The following LRRIQ1 variants were observed in gnomAD, a reference collection of about 807,000 sequenced individuals.
LRRIQ1 encodes the protein leucine rich repeats and IQ motif containing 1.
In LRRIQ1, 210 loss-of-function variants were observed where a neutral mutation model predicts 211.9. The observed-to-expected ratio is 0.99, with a 90% CI of 0.89 to 1.11. The LOEUF (loss-of-function observed/expected upper bound fraction) is 1.11, where lower values mean the gene tolerates loss of function less well. LRRIQ1 is among the 50% of genes most tolerant of loss of function. LRRIQ1 has a pLI of 0.00. For missense variants in LRRIQ1, 2,136 were observed against 1,939.5 expected (o/e 1.10, Z -1.90); for synonymous variants, 699 against 650.1 (o/e 1.08, Z -1.14).
intron 15 of LRRIQ1, among the ~76,000 whole-genome samples, chr12:85,110,055 C>T (rs1200595405): frequency 6.6e-6 from 1 of 151,984 alleles, no homozygotes; most frequent in Non-Finnish European, 1.5e-5. Flanking sequence ...GTATAATACG[C>T]ATAATTTATT....
rs751159352 is a variant in LRRIQ1 at position 85,056,309 on chromosome 12, A to G, written c.1516A>G (p.Thr506Ala). ...LVKQERKYEN[T>A]DNKTELGNSD... ...CAAGCAAGAAAGAAAATATGAAAAT[A>G]CAGATAACAAAACTGAATTGGGAAA... is the stretch of plus-strand genomic sequence containing the variant. The change falls in exon 8 of 27, where the codon ACA (threonine) becomes GCA (alanine). Residue 506 changes from threonine to alanine, a missense_variant. Transcript: ENST00000393217. 73 of 1,592,992 alleles carry G rather than the reference A, an allele frequency of 4.6e-5. No homozygotes were observed. Among genetic ancestry groups the G allele is most frequent in the Non-Finnish European group, 6.1e-5 (72 of 1,174,686 alleles).
At chr12:85,258,961 A>G (rs1896207053) in intron 1 of LRRIQ1, among the ~76,000 whole-genome samples, 1 of 151,986 alleles carries the variant, frequency 6.6e-6, no homozygotes, top group African/African-American at 2.4e-5. Context: ...AACACAACAT[A>G]TATATAGACC....
intron 24 of LRRIQ1, among the ~76,000 whole-genome samples, chr12:85,188,165 A>T (rs1464698506): frequency 6.6e-5 from 10 of 152,074 alleles, no homozygotes; most frequent in Admixed American, 6.6e-4. Context: ...AAAATCAAGT[A>T]ATCCTTGCAA....
chr12:85,126,856 A>C (rs1414286348), intron 17 of LRRIQ1, among the ~76,000 whole-genome samples: 1 of 152,156 alleles, frequency 6.6e-6, no homozygotes, highest in Non-Finnish European at 1.5e-5. Flanking sequence ...GGTCATATCT[A>C]GTAGAGTTTA....
rs957061870 is a variant in LRRIQ1 at position 85,055,878 on chromosome 12, AAG to A, written c.1087_1088del (p.Glu363IlefsTer2). ...GAAGAGGAAAGGAAAAGGAGAGAAA[AAG>A]AATATGAAGAAAAAAAGAATATTGT... On this transcript the variant is annotated frameshift_variant, in exon 8 of 27. Transcript: ENST00000393217. LOFTEE classifies it high-confidence loss of function. 4 of 1,593,606 alleles carry A rather than the reference AAG, an allele frequency of 2.5e-6. No individual in the cohort carries two copies. The highest frequency in any genetic ancestry group is 3.4e-6 in the Non-Finnish European group (4 of 1,173,942).
chr12:85,159,924 A>G (rs994281694), intron 23 of LRRIQ1, among the ~76,000 whole-genome samples: 1 of 152,026 alleles, frequency 6.6e-6, no homozygotes, highest in African/African-American at 2.4e-5. Flanking sequence ...ACATTGTCCA[A>G]CATTTTCCCT....
intron 19 of LRRIQ1, among the ~76,000 whole-genome samples, chr12:85,146,034 C>A (rs968771561): frequency 1.3e-5 from 2 of 151,686 alleles, no homozygotes; most frequent in African/African-American, 4.8e-5. Context: ...CCTCATGGTT[C>A]ATGCAATTAA....
chr12:85,065,787 G>A (rs1164765083), intron 9 of LRRIQ1, among the ~76,000 whole-genome samples: 3 of 151,744 alleles, frequency 2.0e-5, no homozygotes, highest in Non-Finnish European at 4.4e-5. Flanking sequence ...TATTTACTGG[G>A]TCTCTTATGT....
At chr12:85,176,772 A>T (rs1157293769) in intron 24 of LRRIQ1, among the ~76,000 whole-genome samples, 1 of 151,966 alleles carries the variant, frequency 6.6e-6, no homozygotes, top group Non-Finnish European at 1.5e-5. Flanking sequence ...TAAAAAAAAT[A>T]AGAATTTTAG....
intron 24 of LRRIQ1, among the ~76,000 whole-genome samples, chr12:85,223,916 A>G (rs1356288746): frequency 6.6e-6 from 1 of 152,146 alleles, no homozygotes. Context: ...ATAATTAGAC[A>G]GTATTGTTAT....
At chr12:85,246,455 A>G (rs1895721392), downstream of LRRIQ1, among the ~76,000 whole-genome samples, 1 of 151,418 alleles carries the variant, frequency 6.6e-6, no homozygotes, top group African/African-American at 2.4e-5. Context: ...CAAATTAAAA[A>G]CAAAAACAAA....
At chr12:85,116,190 T>C (rs946643569) in intron 15 of LRRIQ1, among the ~76,000 whole-genome samples, 6 of 152,230 alleles carry the variant, frequency 3.9e-5, no homozygotes, top group African/African-American at 1.4e-4. Flanking sequence ...TCGCCCAGGC[T>C]GGAGTGCAGT....
intron 11 of LRRIQ1, among the ~76,000 whole-genome samples, chr12:85,096,760 A>G (rs577862604): frequency 2.2e-4 from 34 of 152,260 alleles, no homozygotes; most frequent in African/African-American, 8.2e-4. Flanking sequence ...ATCCATGGGA[A>G]GTTGAAGTCC....
rs1053026330 is a variant in LRRIQ1, at chr12:85,212,669, G to T, written c.4823-16848G>T. ...TTGTATTCTCTAGGAGAGAAAAATG[G>T]TTACTTTTAGATTACGTTAAATTCC... On this transcript the variant is annotated intron_variant, in intron 24 of 26. Coordinates refer to ENST00000393217, the MANE Select transcript of LRRIQ1 (RefSeq NM_001079910.2). Among the ~76,000 whole-genome samples the T allele has an allele frequency of 2.0e-5, 3 of 150,790 alleles. No homozygotes were observed. The East Asian group carries it at 5.8e-4, about 29-fold the overall frequency.
At chr12:85,088,211 C>T (rs1458763626) in intron 11 of LRRIQ1, among the ~76,000 whole-genome samples, 1 of 151,920 alleles carries the variant, frequency 6.6e-6, no homozygotes, top group African/African-American at 2.4e-5. Flanking sequence ...GAATCCTTTC[C>T]CTATTTCTTG....
At chr12:85,085,300 A>G (rs926374300) in intron 11 of LRRIQ1, among the ~76,000 whole-genome samples, 1 of 152,170 alleles carries the variant, frequency 6.6e-6, no homozygotes, top group Admixed American at 6.5e-5. Context: ...TAAGCAAAGG[A>G]AGAACTTGCC....
At chr12:85,121,673 T>C in intron 15 of LRRIQ1, 24 bp from the exon 16 acceptor site, 1 of 1,526,274 alleles carries the variant, frequency 6.6e-7, no homozygotes, top group Non-Finnish European at 8.8e-7. Context: ...TCAGGATTAT[T>C]AACTTTTTTG....
chr12:85,180,055 G>T (rs1232516650), intron 24 of LRRIQ1, among the ~76,000 whole-genome samples: 18 of 151,858 alleles, frequency 1.2e-4, no homozygotes, highest in African/African-American at 4.3e-4. Context: ...CCTGCCAATT[G>T]CTATTACTCA....
chr12:85,099,401 C>A (rs1886168588), intron 13 of LRRIQ1, among the ~76,000 whole-genome samples: 1 of 151,826 alleles, frequency 6.6e-6, no homozygotes, highest in Non-Finnish European at 1.5e-5. Context: ...ACTCTGCTCT[C>A]AACTTGCTTG....
Sources: allele counts gnomAD v4.1 joint callset (sites outside exome capture counted in the v4.1 genomes callset), GRCh38; gene constraint gnomAD v4.1.1; transcripts MANE v1.5; gene names NCBI Gene and HGNC (gene_info 2026-07-23, HGNC 2026-07-21).